Variants in DSCAM observed in about 807,000 individuals in gnomAD.
The protein encoded by DSCAM is cell adhesion molecule DSCAM.
In DSCAM, 47 loss-of-function variants were observed where a neutral mutation model predicts 217.7. The observed-to-expected ratio is 0.22, with a 90% CI of 0.17 to 0.28. DSCAM has a LOEUF of 0.28. Ranked by LOEUF, DSCAM falls within the 10% of genes least tolerant of loss-of-function variation. The pLI is 1.00. For synonymous variants in DSCAM, 1,056 were observed against 1,015.3 expected (o/e 1.04, Z -0.76); for missense variants, 2,080 against 2,618.3 (o/e 0.79, Z 4.49).
At chr21:40,202,429 T>G (rs915048537) in intron 11 of DSCAM, among the ~76,000 whole-genome samples, 5 of 152,238 alleles carry the variant, frequency 3.3e-5, no homozygotes, top group African/African-American at 1.2e-4. Context: ...CATCACCCAC[T>G]GCACAGCACA....
chr21:40,548,766 G>C (rs1473186117), intron 3 of DSCAM, among the ~76,000 whole-genome samples: 1 of 152,052 alleles, frequency 6.6e-6, no homozygotes, highest in Non-Finnish European at 1.5e-5. Context: ...AGTACCATTA[G>C]GTAGGCATGA....
chr21:40,154,190 T>G (rs2090453170), intron 16 of DSCAM, among the ~76,000 whole-genome samples: 1 of 151,228 alleles, frequency 6.6e-6, no homozygotes, highest in African/African-American at 2.4e-5. Flanking sequence ...TCTTCCTTCC[T>G]TCCTTCCTTC....
chr21:40,286,417 G>A (rs1044971740), intron 10 of DSCAM, among the ~76,000 whole-genome samples: 3 of 152,164 alleles, frequency 2.0e-5, no homozygotes, highest in African/African-American at 7.2e-5. Context: ...CTGGCGCAGA[G>A]TGAAACATGC....
At chr21:40,483,787 G>A (rs76721430) in intron 3 of DSCAM, among the ~76,000 whole-genome samples, 8,053 of 152,166 alleles carry the variant, frequency 0.053, 295 homozygotes, top group East Asian at 0.12. Context: ...GTACCCAGAC[G>A]TGCGTGGGCT....
At chr21:40,649,866 GC>G (rs1287999354) in intron 3 of DSCAM, among the ~76,000 whole-genome samples, 3 of 152,212 alleles carry the variant, frequency 2.0e-5, no homozygotes, top group Non-Finnish European at 4.4e-5. Context: ...TGTCAGCAGT[GC>G]CTTCTGCAAG....
In DSCAM at chr21:40,347,622, T is replaced by A. The variant is rs747469420; in HGVS notation, c.1210+48A>T. 4 of 1,608,444 alleles carry A rather than the reference T, an allele frequency of 2.5e-6. No homozygotes were observed. The East Asian group carries it at 8.9e-5, about 36-fold the overall frequency. ...CTGTCTTCTTCTTTTCTGAGTGCTC[T>A]GGGTTTGGGTTCTTTTTCAGCCATA... On this transcript the variant is annotated intron_variant, in intron 6 of 32. Coordinates refer to ENST00000400454, the MANE Select transcript of DSCAM (RefSeq NM_001389.5).
In DSCAM at chr21:40,546,260, A is replaced by T. The variant is rs147867326; in HGVS notation, c.508+146550T>A. Among the ~76,000 whole-genome samples, 223 of 152,324 alleles carry T rather than the reference A, an allele frequency of 1.5e-3. 1 individual carries two copies. The highest frequency in any genetic ancestry group is 5.0e-3 in the African/African-American group (207 of 41,574). ...CTGTGCAGGAGAGCTGGGGGTCCAC[A>T]CACTCAGGGTAGCTGTGAGCAGCAT... On this transcript the variant is annotated intron_variant, in intron 3 of 32. Coordinates refer to ENST00000400454, the MANE Select transcript of DSCAM (RefSeq NM_001389.5).
At chr21:40,242,418 T>C (rs1156418006) in intron 11 of DSCAM, among the ~76,000 whole-genome samples, 1 of 152,128 alleles carries the variant, frequency 6.6e-6, no homozygotes, top group Non-Finnish European at 1.5e-5. Flanking sequence ...GCCATGTGTA[T>C]CTTCCAACCA....
intron 11 of DSCAM, among the ~76,000 whole-genome samples, chr21:40,259,661 C>CTTTTT (rs542106779): frequency 0.031 from 1,846 of 59,542 alleles, 484 homozygotes; most frequent in Non-Finnish European, 0.052. Context: ...GTCAGCCATT[C>CTTTTT]TTTTTTTTTT....
intron 4 of DSCAM, among the ~76,000 whole-genome samples, chr21:40,354,585 C>T (rs960647158): frequency 3.3e-5 from 5 of 151,964 alleles, no homozygotes; most frequent in African/African-American, 4.8e-5. Flanking sequence ...CATGGTGGCT[C>T]AGGCCTGTAA....
chr21:40,537,841 T>C (rs2076511417), intron 3 of DSCAM, among the ~76,000 whole-genome samples: 2 of 152,142 alleles, frequency 1.3e-5, no homozygotes, highest in African/African-American at 2.4e-5. Flanking sequence ...AGACAATACA[T>C]TTCTGTCACT....
intron 20 of DSCAM, among the ~76,000 whole-genome samples, chr21:40,098,674 A>G (rs1390456602): frequency 2.6e-5 from 4 of 152,172 alleles, no homozygotes; most frequent in African/African-American, 7.2e-5. Flanking sequence ...TTAAATCTTC[A>G]CTATATCTCT....
At chr21:40,376,165 A>C (rs1208124113) in intron 3 of DSCAM, among the ~76,000 whole-genome samples, 1 of 152,158 alleles carries the variant, frequency 6.6e-6, no homozygotes, top group Non-Finnish European at 1.5e-5. Flanking sequence ...TCTGCTAATA[A>C]GATGTTAAAT....
intron 3 of DSCAM, among the ~76,000 whole-genome samples, chr21:40,394,474 T>C (rs1465798568): frequency 6.6e-6 from 1 of 152,204 alleles, no homozygotes; most frequent in Non-Finnish European, 1.5e-5. Context: ...TGTCAGAGTC[T>C]CTCAAGTCTC....
At chr21:40,270,335 T>G (rs1014221295) in intron 11 of DSCAM, among the ~76,000 whole-genome samples, 5 of 152,146 alleles carry the variant, frequency 3.3e-5, no homozygotes, top group African/African-American at 4.8e-5. Flanking sequence ...ACTCCTTCCT[T>G]GGAAAAACTC....
At chr21:40,742,930 CA>C (rs1224550734) in intron 1 of DSCAM, among the ~76,000 whole-genome samples, 2 of 152,136 alleles carry the variant, frequency 1.3e-5, no homozygotes, top group Admixed American at 1.3e-4. Flanking sequence ...AAAAGTTAAG[CA>C]GTATCCCCTA....
rs553391111 is a variant in DSCAM, at chr21:40,551,663, G to T, written c.508+141147C>A. ...CCATTTCCAAAATATGGCAAGGAAAGATATTTTGGGGTAAAATATTTTGAT... is the reference window on the plus strand; with the variant it reads ...CCATTTCCAAAATATGGCAAGGAAATATATTTTGGGGTAAAATATTTTGAT... On this transcript the variant is annotated intron_variant, in intron 3 of 32. Transcript: ENST00000400454. 6.6e-5 allele frequency among the ~76,000 whole-genome samples: 10 copies of T among 152,262 alleles called. No homozygotes were observed. The East Asian group carries it at 9.7e-4, about 15-fold the overall frequency.
rs72140453 is a variant in DSCAM at position 40,460,809 on chromosome 21, C to CAGCCAA, written c.509-91570_509-91565dup. Among the ~76,000 whole-genome samples the CAGCCAA allele has an allele frequency of 1.9e-3, 290 of 152,260 alleles. 2 individuals carry two copies. The highest frequency in any genetic ancestry group is 6.1e-3 in the African/African-American group (254 of 41,560). ...AATAATAATGCTGGGTGACATGAAT[C>CAGCCAA]AGCCAAAGAGATATGGAAATACACA... is the stretch of plus-strand genomic sequence containing the variant. On this transcript the variant is annotated intron_variant, in intron 3 of 32. Coordinates refer to ENST00000400454, the MANE Select transcript of DSCAM (RefSeq NM_001389.5).
intron 4 of DSCAM, among the ~76,000 whole-genome samples, chr21:40,367,274 C>G (rs759750589): frequency 6.6e-6 from 1 of 152,188 alleles, no homozygotes; most frequent in Admixed American, 6.5e-5. Flanking sequence ...ATAAACCCAA[C>G]AGGCTGACCC....
Sources: allele counts gnomAD v4.1 joint callset (sites outside exome capture counted in the v4.1 genomes callset), GRCh38; gene constraint gnomAD v4.1.1; transcripts MANE v1.5; gene names NCBI Gene and HGNC (gene_info 2026-07-23, HGNC 2026-07-21).